Variants in ZW10 observed in about 807,000 individuals in gnomAD.
ZW10 encodes the protein zw10 kinetochore protein, also known as centromere/kinetochore protein zw10 homolog.
Under a neutral mutation model 87.8 loss-of-function variants are expected in ZW10, and 53 were observed. The ratio of observed to expected loss-of-function variants is 0.60; its 90% CI spans 0.48 to 0.76. The LOEUF is 0.76. Among genes scored for constraint, ZW10 ranks in the 30% least tolerant of loss-of-function variants. ZW10 has a pLI of 0.00. For synonymous variants in ZW10, 312 were observed against 329.2 expected (o/e 0.95, Z 0.57); for missense variants, 837 against 923.0 (o/e 0.91, Z 1.21).
intron 7 of ZW10, among the ~76,000 whole-genome samples, chr11:113,748,843 T>C (rs1046969374): frequency 6.6e-6 from 1 of 152,198 alleles, no homozygotes; most frequent in South Asian, 2.1e-4. Context: ...CAGTAAAACA[T>C]AACTAGTTTA....
Position 113,737,697 on chromosome 11 carries a change from G to A in ZW10, c.1891C>T (p.His631Tyr), listed in dbSNP as rs1200461551. 1 of 1,610,794 alleles carries A rather than the reference G, an allele frequency of 6.2e-7. No homozygotes were observed. The highest frequency in any genetic ancestry group is 1.3e-5 in the African/African-American group (1 of 74,868). Reference sequence around the variant, plus strand: ...ACAATTCCAAGTCTCTTTAGTTGGTGCAGTACCTGTAGAAGAATACAGCTA... The same window carrying A: ...ACAATTCCAAGTCTCTTTAGTTGGTACAGTACCTGTAGAAGAATACAGCTA... ...AASKAVRQVL[H>Y]QLKRLGIVWQ... Residue 631 changes from histidine to tyrosine, a missense_variant, in exon 14 of 16, where the codon CAC becomes TAC. Physicochemically the swap from His to Tyr is moderately conservative, Grantham distance 83 (BLOSUM62 2). Coordinates refer to ENST00000200135, the MANE Select transcript of ZW10 (RefSeq NM_004724.4).
chr11:113,745,926 G>A (rs1953672112), intron 9 of ZW10, among the ~76,000 whole-genome samples: 1 of 152,172 alleles, frequency 6.6e-6, no homozygotes, highest in African/African-American at 2.4e-5. Context: ...GGGCCTAAAT[G>A]CCAAGAGAAA....
At chr11:113,748,506 T>A in intron 7 of ZW10, 86 bp from the exon 8 acceptor site, 1 of 1,208,864 alleles carries the variant, frequency 8.3e-7, no homozygotes, top group Non-Finnish European at 1.1e-6. Context: ...TCTTTAATTT[T>A]AAGATGATGG....
rs751536029 is a variant in ZW10 at position 113,757,749 on chromosome 11, T to C, written c.838A>G (p.Ile280Val). The stretch of plus-strand genomic sequence containing the variant: ...GATGGATATTCCAAGTTAGTCATTA[T>C]AGATTCAAAACGAATAATAACTATG... Reference protein sequence around the residue: ...PNIVIIRFESIMTNLEYPSPS... With the variant: ...PNIVIIRFESVMTNLEYPSPS... The change falls in exon 7 of 16, where the codon ATA (isoleucine) becomes GTA (valine). Residue 280 changes from isoleucine to valine, a missense_variant. Transcript: ENST00000200135. The C allele has an allele frequency of 2.1e-5, 34 of 1,613,756 alleles. No individual in the cohort carries two copies. Among genetic ancestry groups the C allele is most frequent in the South Asian group, 4.4e-5 (4 of 91,058 alleles).
In ZW10 at chr11:113,735,193, A is replaced by G. The variant is rs185553959; in HGVS notation, c.2220-1379T>C. Among the ~76,000 whole-genome samples the G allele has an allele frequency of 6.0e-3, 910 of 152,086 alleles. 12 individuals carry two copies. The highest frequency in any genetic ancestry group is 0.018 in the South Asian group (88 of 4,812). On this transcript the variant is annotated intron_variant, in intron 15 of 15. Transcript: ENST00000200135. ...TTATATTTACACAAATCTCTGGGGG[A>G]AAAAAATTTCCTAGGCAGTAAAAAG...
chr11:113,746,448 A>G (rs1359055441), intron 9 of ZW10, among the ~76,000 whole-genome samples: 4 of 147,416 alleles, frequency 2.7e-5, no homozygotes, highest in Non-Finnish European at 6.0e-5. Flanking sequence ...GTATGTATGT[A>G]CCAGGTATTT....
At chr11:113,733,936 G>T in intron 15 of ZW10, 122 bp from the exon 16 acceptor site, 3 of 1,207,206 alleles carry the variant, frequency 2.5e-6, no homozygotes, top group South Asian at 1.6e-5. Context: ...CAAATCCTGG[G>T]CATCTTTCCT....
chr11:113,772,397 C>T (rs1231074957), intron 1 of ZW10, among the ~76,000 whole-genome samples: 3 of 152,168 alleles, frequency 2.0e-5, no homozygotes, highest in African/African-American at 7.2e-5. Flanking sequence ...CAGGAAACTA[C>T]TTTTGTAAAA....
intron 7 of ZW10, among the ~76,000 whole-genome samples, chr11:113,757,310 AAAC>A (rs758059963): frequency 6.6e-6 from 1 of 152,210 alleles, no homozygotes; most frequent in Non-Finnish European, 1.5e-5. Flanking sequence ...GAAATATGTA[AAAC>A]AACACTTGGT....
chr11:113,756,788 TACA>T (rs1355315477), intron 7 of ZW10, among the ~76,000 whole-genome samples: 88 of 152,342 alleles, frequency 5.8e-4, no homozygotes, highest in African/African-American at 2.1e-3. Flanking sequence ...ATGCTTTGTT[TACA>T]ACTTAATTTA....
chr11:113,748,266 T>G lies in ZW10; in HGVS notation c.1080A>C (p.Gln360His). ...SIPTNSSKLQ[Q>H]YEEIIQSTEE... The stretch of plus-strand genomic sequence containing the variant: ...TGTCTGGGCTCTTTACCTCTTCATA[T>G]TGCTGTAATTTGCTGCTATTTGTTG... The change falls in exon 8 of 16, where the codon CAA (glutamine) becomes CAC (histidine). Residue 360 changes from glutamine to histidine, a missense_variant. Gln to His is a conservative substitution (Grantham distance 24). Coordinates refer to ENST00000200135, the MANE Select transcript of ZW10 (RefSeq NM_004724.4). 1.2e-6 allele frequency: 2 copies of G among 1,611,666 alleles called. No homozygotes were observed. Among genetic ancestry groups the G allele is most frequent in the Non-Finnish European group, 1.7e-6 (2 of 1,179,338 alleles).
intron 7 of ZW10, among the ~76,000 whole-genome samples, chr11:113,755,578 G>C (rs1283450595): frequency 6.6e-6 from 1 of 152,208 alleles, no homozygotes; most frequent in Non-Finnish European, 1.5e-5. Flanking sequence ...AAAGGATTTA[G>C]AACAGTCCAT....
At chr11:113,754,402 T>C (rs1953762094) in intron 7 of ZW10, among the ~76,000 whole-genome samples, 1 of 152,008 alleles carries the variant, frequency 6.6e-6, no homozygotes, top group Non-Finnish European at 1.5e-5. Context: ...CGAGAATCGC[T>C]TGAACCCAGG....
intron 5 of ZW10, among the ~76,000 whole-genome samples, chr11:113,759,179 G>C (rs1591419804): frequency 6.6e-6 from 1 of 152,176 alleles, no homozygotes; most frequent in African/African-American, 2.4e-5. Context: ...CTGGGCGACA[G>C]AGCGAGACCC....
chr11:113,766,094 G>A (rs889510864), intron 2 of ZW10, among the ~76,000 whole-genome samples: 7 of 152,164 alleles, frequency 4.6e-5, no homozygotes, highest in Non-Finnish European at 7.3e-5. Context: ...AAACTTTCCA[G>A]GCACGGTGAC....
At chr11:113,757,601 T>A in intron 7 of ZW10, 61 bp downstream of exon 7, 1 of 1,219,144 alleles carries the variant, frequency 8.2e-7, no homozygotes, top group Non-Finnish European at 1.1e-6. Flanking sequence ...AAAATAATAT[T>A]TACTTTTATA....
chr11:113,737,752 G>A (rs371062415), intron 13 of ZW10, 49 bp from the exon 14 acceptor site: 51 of 1,536,568 alleles, frequency 3.3e-5, no homozygotes, highest in African/African-American at 1.2e-4. Flanking sequence ...ACTGTGACTC[G>A]TATTTTCCAG....
intron 10 of ZW10, 30 bp downstream of exon 10, chr11:113,743,772 T>C (rs1953649594): frequency 6.4e-7 from 1 of 1,560,572 alleles, no homozygotes. Flanking sequence ...ACCAAGTCAT[T>C]GCCATTTTCA....
chr11:113,738,367 C>T lies in ZW10; in HGVS notation c.1781G>A (p.Arg594Gln), dbSNP rs772309388. ...TTCCAGAAGTTCACCTTTCTGTGCC[C>T]GCATTTGGGCCAAAAAGCATTCTGT... is the stretch of plus-strand genomic sequence containing the variant. ...LGTECFLAQM[R>Q]AQKGELLERL... The change falls in exon 13 of 16, where the codon CGG becomes CAG. Residue 594 changes from arginine (R) to glutamine (Q), a missense_variant. By Grantham distance (43) the Arg-to-Gln change is conservative. Coordinates refer to ENST00000200135, the MANE Select transcript of ZW10 (RefSeq NM_004724.4). The T allele has an allele frequency of 2.0e-5, 33 of 1,612,506 alleles. No individual in the cohort carries two copies. The highest frequency in any genetic ancestry group is 1.6e-4 in the African/African-American group (12 of 74,778).
Sources: gnomAD v4.1 joint callset for allele counts (sites outside exome capture counted in the v4.1 genomes callset) on GRCh38, gnomAD v4.1.1 for gene constraint, MANE v1.5 for transcripts, NCBI Gene and HGNC (gene_info 2026-07-23, HGNC 2026-07-21) for gene names.